RIPK3: variants seen among roughly 807,000 people sequenced by gnomAD.
RIPK3 encodes the protein receptor-interacting serine/threonine-protein kinase 3.
Under a neutral mutation model 51.6 loss-of-function variants are expected in RIPK3, and 51 were observed. The ratio of observed to expected loss-of-function variants is 0.99; its 90% CI spans 0.79 to 1.25. The LOEUF (loss-of-function observed/expected upper bound fraction) is 1.25, where lower values mean the gene tolerates loss of function less well. RIPK3 is among the 50% of genes most tolerant of loss of function. The pLI is 0.00. For synonymous variants in RIPK3, 246 were observed against 257.7 expected (o/e 0.95, Z 0.44); for missense variants, 654 against 650.4 (o/e 1.01, Z -0.06).
rs2042165852 is a variant in RIPK3, at chr14:24,339,262, AGGC to A, written c.221_223del (p.Arg74del). The A allele has an allele frequency of 6.2e-7, 1 of 1,614,098 alleles. No homozygotes were observed. The highest frequency in any genetic ancestry group is 1.3e-5 in the African/African-American group (1 of 75,034). ...GTTCACCTTCTCGATAACCCCTTCT[AGGC>A]GCAGCACGAATTCGTTATCCAGACT... is the stretch of plus-strand genomic sequence containing the variant. On this transcript the variant is annotated inframe_deletion, in exon 3 of 10. Transcript: ENST00000216274. The surrounding 1 kb of genome is among the most constrained non-coding windows in gnomAD (Gnocchi z 4.0).
At position 24,339,487 on chromosome 14, in the gene RIPK3, C is replaced by A. The variant is rs752642695; in HGVS notation, c.131G>T (p.Gly44Val). ...TVFRAQHRKW[G>V]YDVAVKIVNS... ...TACGATCTTGACCGCCACATCGTAG[C>A]CCCACTTCCTATGTTGCGCCCGGAA... Residue 44 changes from glycine (G) to valine (V), a missense_variant, in exon 2 of 10, where the codon GGC becomes GTC. Physicochemically the swap from Gly to Val is moderately radical, Grantham distance 109. Transcript: ENST00000216274. This position sits in a 1 kb window ranked among gnomAD's most constrained non-coding sequence, Gnocchi z 4.0. The A allele has an allele frequency of 1.9e-6, 3 of 1,614,208 alleles. No homozygotes were observed. The South Asian group carries it at 3.3e-5, about 18-fold the overall frequency.
At position 24,336,941 on chromosome 14, in the gene RIPK3, GC is replaced by G. The variant is rs1429623613; in HGVS notation, c.1279del (p.Ala427LeufsTer6). ...GGACCAGTTCATGCCTTGTCTCTCA[GC>G]CCCCTGCAAACAGCACAGAGCATCC... ...PSPGPRGNQG[A>X]ERQGMNWSCR... On this transcript the variant is annotated frameshift_variant, in exon 9 of 10. Coordinates refer to ENST00000216274, the MANE Select transcript of RIPK3 (RefSeq NM_006871.4). LOFTEE classifies it high-confidence loss of function. 3.1e-6 allele frequency: 5 copies of G among 1,613,922 alleles called. No homozygotes were observed. The highest frequency in any genetic ancestry group is 4.2e-6 in the Non-Finnish European group (5 of 1,179,878).
At position 24,339,552 on chromosome 14, in the gene RIPK3, C is replaced by T. The variant is rs757219715; in HGVS notation, c.66G>A (p.Glu22=). 3.1e-6 allele frequency: 5 copies of T among 1,614,062 alleles called. No individual in the cohort carries two copies. Among genetic ancestry groups the T allele is most frequent in the Non-Finnish European group, 4.2e-6 (5 of 1,179,970 alleles). The change falls in exon 2 of 10, where the codon GAG becomes GAA. Residue 22 remains glutamate (E), a synonymous_variant. Transcript: ENST00000216274. The surrounding 1 kb of genome is among the most constrained non-coding windows in gnomAD (Gnocchi z 4.0). ...PAPLVSIEEL[E]NQELVGKGGF... ...CGCCTTTGCCGACGAGCTCCTGGTT[C>T]TCCAGTTCCTCGATGGACACCAAGG...
At chr14:24,338,694 G>T (rs1461674639) in intron 3 of RIPK3, 127 bp from the exon 4 acceptor site, 3 of 1,313,052 alleles carry the variant, frequency 2.3e-6, no homozygotes, top group East Asian at 2.4e-5. Context: ...AAGGGAAGAG[G>T]TTCCCTTGGA....
Position 24,337,312 on chromosome 14 carries a change from T to G in RIPK3, c.1049A>C (p.Asn350Thr). 6.2e-7 allele frequency: 1 copy of G among 1,614,104 alleles called. No homozygotes were observed. Among genetic ancestry groups the G allele is most frequent in the South Asian group, 1.1e-5 (1 of 91,078 alleles). Residue 350 changes from asparagine (N) to threonine (T), a missense_variant, in exon 8 of 10, where the codon AAC becomes ACC. Coordinates refer to ENST00000216274, the MANE Select transcript of RIPK3 (RefSeq NM_006871.4). Reference sequence around the variant, plus strand: ...GGGAGGCTCCTCTAGATTCAGTTTGTTTAGCCACTCAGAAACCATGACATC... The same window carrying G: ...GGGAGGCTCCTCTAGATTCAGTTTGGTTAGCCACTCAGAAACCATGACATC... ...RNDVMVSEWL[N>T]KLNLEEPPSS...
intron 3 of RIPK3, 198 bp downstream of exon 3, chr14:24,338,817 G>A (rs755669276): frequency 3.0e-6 from 2 of 669,978 alleles, no homozygotes; most frequent in Non-Finnish European, 5.0e-6. Context: ...AATGACTCGT[G>A]TGGCTCAGGG....
Position 24,338,836 on chromosome 14 carries a change from ACCT to A in RIPK3, c.471+176_471+178del, listed in dbSNP as rs2139241433. ...ACTCGTGTGGCTCAGGGCCTCTATC[ACCT>A]GGTAGGCAGGAGCTAAAACTCCTGG... is the stretch of plus-strand genomic sequence containing the variant. On this transcript the variant is annotated intron_variant, in intron 3 of 9. Coordinates refer to ENST00000216274, the MANE Select transcript of RIPK3 (RefSeq NM_006871.4). 3 of 671,106 alleles carry A rather than the reference ACCT, an allele frequency of 4.5e-6. No individual in the cohort carries two copies. In the East Asian group the frequency reaches 8.2e-5, roughly 18 times the overall value. 41.6% of individuals were successfully genotyped at this position (671,106 alleles called of 1,614,324 possible). A position where few individuals can be genotyped will look rare whatever the true frequency, so the allele number is the denominator to read the frequency against.
At position 24,337,722 on chromosome 14, in the gene RIPK3, C is replaced by G. The variant is rs1007815233; in HGVS notation, c.873G>C (p.Glu291Asp). The stretch of plus-strand genomic sequence containing the variant: ...TGGAGACAGCAGCATTCATATTGTT[C>G]TCCACCATCTGGAAGACTTCATCAG... ...PKTDEVFQMV[E>D]NNMNAAVSTV... The change falls in exon 7 of 10, where the codon GAG (glutamate) becomes GAC (aspartate). Residue 291 changes from glutamate to aspartate, a missense_variant. Glu to Asp is a conservative substitution (Grantham distance 45, BLOSUM62 2). Coordinates refer to ENST00000216274, the MANE Select transcript of RIPK3 (RefSeq NM_006871.4). 3.7e-6 allele frequency: 6 copies of G among 1,613,428 alleles called. No homozygotes were observed. Among genetic ancestry groups the G allele is most frequent in the Non-Finnish European group, 5.1e-6 (6 of 1,179,514 alleles).
Position 24,338,828 on chromosome 14 carries a change from C to T in RIPK3, c.471+187G>A, listed in dbSNP as rs1019178379. 13 of 665,232 alleles carry T rather than the reference C, an allele frequency of 2.0e-5. No individual in the cohort carries two copies. In the African/African-American group the frequency reaches 2.2e-4, roughly 11 times the overall value. 41.2% of individuals were successfully genotyped at this position (665,232 alleles called of 1,614,324 possible). A position where few individuals can be genotyped will look rare whatever the true frequency, so the allele number is the denominator to read the frequency against. ...TGGAAATGACTCGTGTGGCTCAGGG[C>T]CTCTATCACCTGGTAGGCAGGAGCT... On this transcript the variant is annotated intron_variant, in intron 3 of 9. Transcript: ENST00000216274.
rs1380906993 is a variant in RIPK3, at chr14:24,339,188, C to T, written c.298G>A (p.Gly100Ser). The T allele has an allele frequency of 6.2e-7, 1 of 1,614,260 alleles. No individual in the cohort carries two copies. The highest frequency in any genetic ancestry group is 2.2e-5 in the East Asian group (1 of 44,890). The change falls in exon 3 of 10, where the codon GGC (glycine) becomes AGC (serine). Residue 100 changes from glycine to serine, a missense_variant. Gly to Ser is a moderately conservative substitution (Grantham distance 56, BLOSUM62 0). Transcript: ENST00000216274. The surrounding 1 kb of genome is among the most constrained non-coding windows in gnomAD (Gnocchi z 4.0). The part of the protein sequence containing the change: ...PALVTKFMEN[G>S]SLSGLLQSQC... ...GACTGCAGCAGCCCCGACAAGGAGC[C>T]GTTCTCCATGAATTTAGTCACCAGA...
rs1349517019 is a variant in RIPK3 at position 24,337,255 on chromosome 14, G to A, written c.1106C>T (p.Thr369Ile). 1 of 1,614,040 alleles carries A rather than the reference G, an allele frequency of 6.2e-7. No individual in the cohort carries two copies. The highest frequency in any genetic ancestry group is 2.2e-5 in the East Asian group (1 of 44,890). Residue 369 changes from threonine to isoleucine, a missense_variant, in exon 8 of 10, where the codon ACC (threonine) becomes ATC (isoleucine). Thr to Ile is a moderately conservative substitution (Grantham distance 89, BLOSUM62 -1). Transcript: ENST00000216274. Reference protein sequence around the residue: ...SSVPKKCPSLTKRSRAQEEQV... With the variant: ...SSVPKKCPSLIKRSRAQEEQV... ...CTCCTCTTGTGCCCTGCTCCTCTTGGTAAGGCTCGGGCATTTTTTAGGAAC... is the reference window on the plus strand; with the variant it reads ...CTCCTCTTGTGCCCTGCTCCTCTTGATAAGGCTCGGGCATTTTTTAGGAAC...
rs1188980709 is a variant in RIPK3, at chr14:24,339,566, T to C, written c.52A>G (p.Ile18Val). ...PSGAPAPLVSIEELENQELVG... is the reference protein window; with the variant it reads ...PSGAPAPLVSVEELENQELVG... ...AGCTCCTGGTTCTCCAGTTCCTCGA[T>C]GGACACCAAGGGGGCGGGGGCACCG... Residue 18 changes from isoleucine (I) to valine (V), a missense_variant, in exon 2 of 10, where the codon ATC becomes GTC. Coordinates refer to ENST00000216274, the MANE Select transcript of RIPK3 (RefSeq NM_006871.4). This position sits in a 1 kb window ranked among gnomAD's most constrained non-coding sequence, Gnocchi z 4.0. 1 of 1,614,200 alleles carries C rather than the reference T, an allele frequency of 6.2e-7. No homozygotes were observed. The highest frequency in any genetic ancestry group is 1.1e-5 in the South Asian group (1 of 91,086).
At position 24,337,963 on chromosome 14, in the gene RIPK3, C is replaced by G. The variant is rs2042152141; in HGVS notation, c.742G>C (p.Ala248Pro). The G allele has an allele frequency of 6.2e-7, 1 of 1,614,108 alleles. No individual in the cohort carries two copies. Among genetic ancestry groups the G allele is most frequent in the Non-Finnish European group, 8.5e-7 (1 of 1,180,062 alleles). The change falls in exon 6 of 10, where the codon GCC (alanine) becomes CCC (proline). Residue 248 changes from alanine to proline, a missense_variant. Transcript: ENST00000216274. ...NRPSLAELPQ[A>P]GPETPGLEGL... ...TCTAAGCCGGGAGTCTCAGGCCCGG[C>G]TTGGGGCAGCTCAGCCAATGAAGGC... is the stretch of plus-strand genomic sequence containing the variant.
At chr14:24,336,793 T>C (rs771176236) in intron 9 of RIPK3, 92 bp downstream of exon 9, 3 of 1,184,554 alleles carry the variant, frequency 2.5e-6, no homozygotes, top group Non-Finnish European at 3.8e-6. Context: ...TCCCCTCCCC[T>C]CCACAAAGTA....
intron 9 of RIPK3, 151 bp downstream of exon 9, chr14:24,336,734 T>C: frequency 1.2e-6 from 1 of 807,372 alleles, no homozygotes. Flanking sequence ...TCTCAGGGGG[T>C]GTCGGTTTTC....
intron 5 of RIPK3, 49 bp from the exon 6 acceptor site, chr14:24,338,089 G>T: frequency 6.2e-7 from 1 of 1,613,550 alleles, no homozygotes; most frequent in Non-Finnish European, 8.5e-7. Context: ...GGGTAAAAGG[G>T]AATTATCTGC....
chr14:24,339,115 ACTT>A lies in RIPK3; in HGVS notation c.368_370del (p.Glu123del). ...GTGCAGGTAAAACATCCCAAGCACCACTTCTTTCAGCAGGCGGCAAAGGAGCGG... is the reference window on the plus strand; with the variant it reads ...GTGCAGGTAAAACATCCCAAGCACCACTTTCAGCAGGCGGCAAAGGAGCGG... On this transcript the variant is annotated inframe_deletion, in exon 3 of 10. Coordinates refer to ENST00000216274, the MANE Select transcript of RIPK3 (RefSeq NM_006871.4). The surrounding 1 kb of genome is among the most constrained non-coding windows in gnomAD (Gnocchi z 4.0). 1.2e-6 allele frequency: 2 copies of A among 1,614,102 alleles called. No individual in the cohort carries two copies. Among genetic ancestry groups the A allele is most frequent in the East Asian group, 4.5e-5 (2 of 44,858 alleles).
At position 24,339,966 on chromosome 14, in the gene RIPK3, A is replaced by G. The variant is rs1225946670; in HGVS notation, c.-140T>C. 7 of 869,872 alleles carry G rather than the reference A, an allele frequency of 8.0e-6. No homozygotes were observed. In the South Asian group the frequency reaches 9.4e-5, roughly 12 times the overall value. The allele number at this position is 869,872 out of a possible 1,614,324, so 53.9% of individuals were successfully genotyped here. On this transcript the variant is annotated 5_prime_UTR_variant, in exon 1 of 10. Coordinates refer to ENST00000216274, the MANE Select transcript of RIPK3 (RefSeq NM_006871.4). The surrounding 1 kb of genome is among the most constrained non-coding windows in gnomAD (Gnocchi z 4.0). ...GTCTCTAGACCAAGACGGTGAGTCT[A>G]CTTTCCGGGTTGTTACCCTTTTTCC...
In RIPK3 at chr14:24,339,178, G is replaced by C; in HGVS notation, c.308C>G (p.Ser103Trp). Residue 103 changes from serine to tryptophan, a missense_variant, in exon 3 of 10, where the codon TCG becomes TGG. Ser to Trp is a radical substitution (Grantham distance 177). Coordinates refer to ENST00000216274, the MANE Select transcript of RIPK3 (RefSeq NM_006871.4). The surrounding 1 kb of genome is among the most constrained non-coding windows in gnomAD (Gnocchi z 4.0). ...VTKFMENGSL[S>W]GLLQSQCPRP... The stretch of plus-strand genomic sequence containing the variant: ...AGGGCACTGGGACTGCAGCAGCCCC[G>C]ACAAGGAGCCGTTCTCCATGAATTT... 1.2e-6 allele frequency: 2 copies of C among 1,614,260 alleles called. No homozygotes were observed. The highest frequency in any genetic ancestry group is 1.7e-6 in the Non-Finnish European group (2 of 1,180,042).
Sources: allele counts gnomAD v4.1 joint callset, GRCh38; gene constraint gnomAD v4.1.1; non-coding constraint Gnocchi (gnomAD v3.1); transcripts MANE v1.5; gene names NCBI Gene and HGNC (gene_info 2026-07-23, HGNC 2026-07-21).